SLC12A7: variants seen among roughly 807,000 people sequenced by gnomAD.
SLC12A7 encodes solute carrier family 12 member 7, also known as K-Cl cotransporter 4.
A neutral mutation model predicts 120.6 loss-of-function variants in SLC12A7; 100 were observed. That is an observed-to-expected ratio of 0.83 (90% CI 0.71 to 0.98). The LOEUF is 0.98. SLC12A7 is among the 50% of genes least tolerant of loss of function. The probability of loss-of-function intolerance (pLI) is 0.00; values close to 1 mark genes in which losing one functional copy is unlikely to be tolerated. For synonymous variants in SLC12A7, 760 were observed against 678.0 expected (o/e 1.12, Z -1.88); for missense variants, 1,373 against 1,548.1 (o/e 0.89, Z 1.90).
chr5:1,059,095 G>A lies in SLC12A7; in HGVS notation c.2847+1249C>T, dbSNP rs537553605. Among the ~76,000 whole-genome samples the A allele has an allele frequency of 4.6e-5, 7 of 152,322 alleles. No homozygotes were observed. The South Asian group carries it at 1.4e-3, about 32-fold the overall frequency. ...CTTGTGACGCCAGGGCGACCCTGCC[G>A]GATCTCAGGGACCTGGCCTGGACAG... is the stretch of plus-strand genomic sequence containing the variant. On this transcript the variant is annotated intron_variant, in intron 21 of 23. Transcript: ENST00000264930.
the SLC12A7 span, among the ~76,000 whole-genome samples, chr5:1,149,979 G>A: frequency 2.0e-5 from 3 of 152,196 alleles, no homozygotes; most frequent in Non-Finnish European, 4.4e-5. Context: ...GCGGTGAGCT[G>A]AGATCGTGCC....
chr5:1,068,522 A>C (rs975729086), intron 17 of SLC12A7, among the ~76,000 whole-genome samples: 2 of 152,276 alleles, frequency 1.3e-5, no homozygotes, highest in East Asian at 3.8e-4. Flanking sequence ...ACGATGGAGG[A>C]GAATACGGCT....
chr5:1,114,353 C>T (rs1013604583), upstream of SLC12A7, among the ~76,000 whole-genome samples: 12 of 152,114 alleles, frequency 7.9e-5, 1 homozygote, highest in East Asian at 1.9e-4. Flanking sequence ...AGGTGAGTCA[C>T]GACAGGGATC....
chr5:1,104,332 T>G (rs1430560244), intron 1 of SLC12A7, among the ~76,000 whole-genome samples: 3 of 152,152 alleles, frequency 2.0e-5, no homozygotes, highest in Non-Finnish European at 4.4e-5. Context: ...AAGGATCACT[T>G]TAACAACCTC....
chr5:1,140,439 A>G, the SLC12A7 span, among the ~76,000 whole-genome samples: 1 of 152,230 alleles, frequency 6.6e-6, no homozygotes, highest in Non-Finnish European at 1.5e-5. Flanking sequence ...AGGAGGAAAC[A>G]GGTGCAGCTC....
At chr5:1,154,452 C>T in the SLC12A7 span, among the ~76,000 whole-genome samples, 16 of 152,050 alleles carry the variant, frequency 1.1e-4, no homozygotes, top group Non-Finnish European at 2.4e-4. Flanking sequence ...ATAATATAGA[C>T]ACACACACCT....
At chr5:1,137,066 CACACGTGTGTCT>C in the SLC12A7 span, among the ~76,000 whole-genome samples, 2 of 151,740 alleles carry the variant, frequency 1.3e-5, no homozygotes, top group African/African-American at 4.9e-5. Context: ...CACATGCAGA[CACACGTGTGTCT>C]ACAGCCAGTG....
In SLC12A7 at chr5:1,076,579, C is replaced by T. The variant is rs1738371313; in HGVS notation, c.1748+115G>A. On this transcript the variant is annotated intron_variant, in intron 13 of 23. Coordinates refer to ENST00000264930, the MANE Select transcript of SLC12A7 (RefSeq NM_006598.3). ...TCCCTTCCCGGCAGGATCCTGACTGCCCACAGCTGGCCATGCCTGTCTACT... is the reference window on the plus strand; with the variant it reads ...TCCCTTCCCGGCAGGATCCTGACTGTCCACAGCTGGCCATGCCTGTCTACT... The T allele has an allele frequency of 5.2e-6, 4 of 774,650 alleles. No homozygotes were observed. In the Admixed American group the frequency reaches 9.0e-5, roughly 17 times the overall value. 48.0% of individuals were successfully genotyped at this position (774,650 alleles called of 1,614,324 possible).
At chr5:1,055,111 C>G (rs1196329758) in intron 22 of SLC12A7, among the ~76,000 whole-genome samples, 1 of 151,976 alleles carries the variant, frequency 6.6e-6, no homozygotes, top group African/African-American at 2.4e-5. Flanking sequence ...GACACAGGCA[C>G]AGACACGCAC....
At chr5:1,149,120 G>C in the SLC12A7 span, among the ~76,000 whole-genome samples, 1 of 126,782 alleles carries the variant, frequency 7.9e-6, no homozygotes, top group Non-Finnish European at 1.7e-5. Context: ...GGGGACTGTG[G>C]ATCCTACGAT....
At position 1,051,706 on chromosome 5, in the gene SLC12A7, G is replaced by A. The variant is rs1265317923; in HGVS notation, c.*654C>T. On this transcript the variant is annotated 3_prime_UTR_variant, in exon 24 of 24. Coordinates refer to ENST00000264930, the MANE Select transcript of SLC12A7 (RefSeq NM_006598.3). ...CCGACAGATGATCCACCACGTTCTG[G>A]AAAAGCCGAGTTCCCTTTCCAGATG... 1 of 152,402 alleles carries A rather than the reference G, an allele frequency of 6.6e-6. No individual in the cohort carries two copies. Among genetic ancestry groups the A allele is most frequent in the Non-Finnish European group, 1.5e-5 (1 of 68,178 alleles). 9.4% of individuals were successfully genotyped at this position (152,402 alleles called of 1,614,324 possible).
the SLC12A7 span, among the ~76,000 whole-genome samples, chr5:1,127,104 G>A: frequency 1.3e-5 from 2 of 151,960 alleles, no homozygotes; most frequent in African/African-American, 4.8e-5. Context: ...AACCTCCACC[G>A]CCCAGGTTCA....
At chr5:1,118,841 C>T in the SLC12A7 span, among the ~76,000 whole-genome samples, 1 of 152,216 alleles carries the variant, frequency 6.6e-6, no homozygotes. Context: ...TGGCTTCTTC[C>T]AAGGCTGTGG....
At chr5:1,121,252 G>A in the SLC12A7 span, among the ~76,000 whole-genome samples, 97 of 152,282 alleles carry the variant, frequency 6.4e-4, no homozygotes, top group African/African-American at 2.3e-3. Context: ...CCCAGACACA[G>A]CTGTCTCCGT....
intron 1 of SLC12A7, among the ~76,000 whole-genome samples, chr5:1,102,150 G>A (rs551181267): frequency 3.3e-5 from 5 of 152,288 alleles, no homozygotes; most frequent in South Asian, 4.2e-4. Flanking sequence ...GGAAGGAGGC[G>A]GCTGCAGGTG....
intron 20 of SLC12A7, chr5:1,063,067 C>T (rs1007785234): frequency 1.3e-5 from 2 of 152,336 alleles, no homozygotes; most frequent in African/African-American, 4.8e-5. Context: ...AAGGGGCCCA[C>T]CAGATCCCCA....
intron 22 of SLC12A7, among the ~76,000 whole-genome samples, chr5:1,054,250 C>T (rs993219932): frequency 1.3e-5 from 2 of 152,260 alleles, no homozygotes; most frequent in African/African-American, 2.4e-5. Context: ...CTCTGCTCCA[C>T]GACCCTCCCT....
At chr5:1,074,474 G>C (rs1311768251) in intron 16 of SLC12A7, 93 bp downstream of exon 16, 4 of 1,165,336 alleles carry the variant, frequency 3.4e-6, no homozygotes, top group South Asian at 2.8e-5. Flanking sequence ...GAAGGTGAGA[G>C]GCCCCTGAGA....
At chr5:1,108,526 C>T (rs1030926532) in intron 1 of SLC12A7, among the ~76,000 whole-genome samples, 1 of 152,184 alleles carries the variant, frequency 6.6e-6, no homozygotes, top group Non-Finnish European at 1.5e-5. Context: ...CTCCGACTGC[C>T]TCCCATGTCC....
Sources: allele counts gnomAD v4.1 joint callset (sites outside exome capture counted in the v4.1 genomes callset), GRCh38; gene constraint gnomAD v4.1.1; transcripts MANE v1.5; gene names NCBI Gene and HGNC (gene_info 2026-07-23, HGNC 2026-07-21).